EXOC6B: variants seen among roughly 807,000 people sequenced by gnomAD.
EXOC6B encodes the protein exocyst complex component 6B.
A neutral mutation model predicts 113.5 loss-of-function variants in EXOC6B; 54 were observed. That is an observed-to-expected ratio of 0.48 (90% confidence interval 0.38 to 0.60). The LOEUF (loss-of-function observed/expected upper bound fraction) is 0.60, where lower values mean the gene tolerates loss of function less well. Ranked by LOEUF, EXOC6B falls within the 20% of genes least tolerant of loss-of-function variation. The pLI, the probability that EXOC6B is intolerant of heterozygous loss-of-function variation, is 0.00. For missense variants in EXOC6B, 797 were observed against 977.5 expected (o/e 0.82, Z 2.46); for synonymous variants, 357 against 339.0 (o/e 1.05, Z -0.58).
chr2:72,688,080 T>A (rs1677215595), intron 6 of EXOC6B, among the ~76,000 whole-genome samples: 1 of 152,132 alleles, frequency 6.6e-6, no homozygotes, highest in South Asian at 2.1e-4. Context: ...TCCACCCAGA[T>A]CACCCTAGTA....
At chr2:72,695,210 G>A (rs1390662087) in intron 6 of EXOC6B, among the ~76,000 whole-genome samples, 2 of 152,190 alleles carry the variant, frequency 1.3e-5, no homozygotes, top group African/African-American at 4.8e-5. Flanking sequence ...ACAGCTATAA[G>A]AGAAGTAGCT....
chr2:72,613,785 G>A (rs1024401596), intron 6 of EXOC6B, among the ~76,000 whole-genome samples: 1 of 151,804 alleles, frequency 6.6e-6, no homozygotes, highest in Non-Finnish European at 1.5e-5. Context: ...TTAGAGGATC[G>A]TGGAGAAAAA....
chr2:72,785,098 T>A (rs1436347889), intron 1 of EXOC6B, among the ~76,000 whole-genome samples: 1 of 152,190 alleles, frequency 6.6e-6, no homozygotes, highest in East Asian at 1.9e-4. Flanking sequence ...CAGTCAAATT[T>A]TAAAGCTCCA....
intron 16 of EXOC6B, among the ~76,000 whole-genome samples, chr2:72,487,704 T>C (rs1436025801): frequency 6.6e-6 from 1 of 152,238 alleles, no homozygotes; most frequent in African/African-American, 2.4e-5. Context: ...TGTTATAGCA[T>C]GTCTTTCAAT....
chr2:72,417,694 T>C (rs1373270302), intron 18 of EXOC6B, among the ~76,000 whole-genome samples: 1 of 152,224 alleles, frequency 6.6e-6, no homozygotes, highest in Admixed American at 6.5e-5. Flanking sequence ...CAGAGAAAAA[T>C]GTATATGTTT....
intron 20 of EXOC6B, among the ~76,000 whole-genome samples, chr2:72,228,267 T>A (rs1009062164): frequency 1.3e-5 from 2 of 151,528 alleles, no homozygotes; most frequent in Non-Finnish European, 2.9e-5. Flanking sequence ...AAATCTCAGG[T>A]TTCTTTTTTT....
chr2:72,729,815 C>T (rs1680524926), intron 5 of EXOC6B, among the ~76,000 whole-genome samples: 1 of 152,132 alleles, frequency 6.6e-6, no homozygotes, highest in Non-Finnish European at 1.5e-5. Context: ...GACAGAACTT[C>T]TCATAGTGTT....
At chr2:72,579,390 T>G (rs1705063845) in intron 6 of EXOC6B, among the ~76,000 whole-genome samples, 1 of 152,166 alleles carries the variant, frequency 6.6e-6, no homozygotes, top group Non-Finnish European at 1.5e-5. Flanking sequence ...ATTCTTAGAC[T>G]GCCCCAAGTC....
intron 6 of EXOC6B, among the ~76,000 whole-genome samples, chr2:72,668,357 C>T (rs1357834381): frequency 4.6e-5 from 7 of 151,894 alleles, no homozygotes; most frequent in Non-Finnish European, 1.0e-4. Flanking sequence ...ACAGATGGGC[C>T]ATTTCTCAAA....
chr2:72,235,689 C>A (rs185205947), intron 20 of EXOC6B, among the ~76,000 whole-genome samples: 13 of 151,992 alleles, frequency 8.6e-5, no homozygotes, highest in African/African-American at 3.1e-4. Context: ...TATTCTAGAC[C>A]CCTTTCTCAG....
At chr2:72,600,174 C>G (rs1207609525) in intron 6 of EXOC6B, among the ~76,000 whole-genome samples, 1 of 152,118 alleles carries the variant, frequency 6.6e-6, no homozygotes, top group Non-Finnish European at 1.5e-5. Flanking sequence ...GGCACAGTGG[C>G]TCACACGAGT....
At chr2:72,723,511 A>C (rs1221975359) in intron 5 of EXOC6B, among the ~76,000 whole-genome samples, 1 of 152,200 alleles carries the variant, frequency 6.6e-6, no homozygotes, top group African/African-American at 2.4e-5. Context: ...AATTCTAGGA[A>C]GTGATCCTTG....
chr2:72,684,956 C>T (rs1317991756), intron 6 of EXOC6B, among the ~76,000 whole-genome samples: 9 of 151,964 alleles, frequency 5.9e-5, no homozygotes, highest in South Asian at 4.2e-4. Flanking sequence ...TTCAGATTTG[C>T]GTAGATTTGA....
rs192855398 is a variant in EXOC6B at position 72,312,538 on chromosome 2, G to A, written c.2196+22409C>T. ...TAAGGGTGAAACCATCTTTAAAGAG[G>A]ACAAGTCTATTGCTAGTGAGGATGA... On this transcript the variant is annotated intron_variant, in intron 20 of 21. Transcript: ENST00000272427. 2.0e-5 allele frequency among the ~76,000 whole-genome samples: 3 copies of A among 151,946 alleles called. No homozygotes were observed. In the East Asian group the frequency reaches 5.8e-4, roughly 29 times the overall value.
At chr2:72,555,070 G>A (rs1474917462) in intron 8 of EXOC6B, among the ~76,000 whole-genome samples, 1 of 152,130 alleles carries the variant, frequency 6.6e-6, no homozygotes, top group Non-Finnish European at 1.5e-5. Context: ...CCATGTCCCT[G>A]CAAAGGACAT....
intron 6 of EXOC6B, among the ~76,000 whole-genome samples, chr2:72,581,494 C>A (rs529955328): frequency 6.6e-6 from 1 of 152,218 alleles, no homozygotes; most frequent in African/African-American, 2.4e-5. Context: ...TTTCTTACAC[C>A]TTCATCATGA....
At chr2:72,482,698 C>T (rs1314065735) in intron 16 of EXOC6B, among the ~76,000 whole-genome samples, 1 of 148,340 alleles carries the variant, frequency 6.7e-6, no homozygotes, top group Non-Finnish European at 1.5e-5. Context: ...ATTCTCACTT[C>T]TTCTACATCA....
intron 6 of EXOC6B, among the ~76,000 whole-genome samples, chr2:72,621,682 G>A (rs577544376): frequency 2.0e-5 from 3 of 152,172 alleles, no homozygotes; most frequent in Non-Finnish European, 2.9e-5. Context: ...GAGGACAGAT[G>A]AGGTAGCTGG....
intron 20 of EXOC6B, among the ~76,000 whole-genome samples, chr2:72,310,956 C>T (rs976652260): frequency 1.3e-5 from 2 of 151,902 alleles, no homozygotes; most frequent in Non-Finnish European, 2.9e-5. Context: ...AAGGTATTTT[C>T]TCAAAGTCAT....
Sources: gnomAD v4.1 joint callset for allele counts (sites outside exome capture counted in the v4.1 genomes callset) on GRCh38, gnomAD v4.1.1 for gene constraint, MANE v1.5 for transcripts, NCBI Gene and HGNC (gene_info 2026-07-23, HGNC 2026-07-21) for gene names.